SORCS2: variants seen among roughly 807,000 people sequenced by gnomAD.
The protein encoded by SORCS2 is sortilin related VPS10 domain containing receptor 2.
A neutral mutation model predicts 141.6 loss-of-function variants in SORCS2; 100 were observed. That is an observed-to-expected ratio of 0.71 (90% CI 0.60 to 0.83). The LOEUF (loss-of-function observed/expected upper bound fraction) is 0.83. Among genes scored for constraint, SORCS2 ranks in the 40% least tolerant of loss-of-function variants. SORCS2 has a pLI of 0.00. For synonymous variants in SORCS2, 789 were observed against 676.9 expected (o/e 1.17, Z -2.57); for missense variants, 1,646 against 1,560.2 (o/e 1.05, Z -0.93).
intron 26 of SORCS2, among the ~76,000 whole-genome samples, chr4:7,738,810 A>G (rs897532589): frequency 1.3e-5 from 2 of 152,102 alleles, no homozygotes; most frequent in Non-Finnish European, 2.9e-5. Flanking sequence ...TGACCTTCAC[A>G]CTGTCTTGAG....
intron 2 of SORCS2, among the ~76,000 whole-genome samples, chr4:7,442,945 C>G (rs906136171): frequency 6.6e-6 from 1 of 152,132 alleles, no homozygotes; most frequent in Non-Finnish European, 1.5e-5. Flanking sequence ...CCTGCTTCCT[C>G]CCAGGTTCTG....
Position 7,682,817 on chromosome 4 carries a change from C to CA in SORCS2, c.1418dup (p.Arg475ProfsTer58). On this transcript the variant is annotated frameshift_variant, in exon 10 of 27. Transcript: ENST00000507866. LOFTEE classifies it high-confidence loss of function. Reference sequence around the variant, plus strand: ...AAGTGATGACGCTTATAACCTACAACAAGGGCCGCGACTGGGATTACCTGA... The same window carrying CA: ...AAGTGATGACGCTTATAACCTACAACAAAGGGCCGCGACTGGGATTACCTGA... 1 of 1,612,792 alleles carries CA rather than the reference C, an allele frequency of 6.2e-7. No individual in the cohort carries two copies. The highest frequency in any genetic ancestry group is 8.5e-7 in the Non-Finnish European group (1 of 1,179,334).
intron 3 of SORCS2, among the ~76,000 whole-genome samples, chr4:7,579,726 G>T (rs1716019382): frequency 1.3e-5 from 2 of 152,170 alleles, no homozygotes; most frequent in Admixed American, 1.3e-4. Flanking sequence ...AGTGTGCAGA[G>T]GTGGATGAGA....
rs16835129 is a variant in SORCS2, at chr4:7,361,788, G to A, written c.481-34500G>A. On this transcript the variant is annotated intron_variant, in intron 1 of 26. Transcript: ENST00000507866. ...TAAGAAAAAAAAAAACACAACGAAC[G>A]CAGGTGGAATGCTAATGCCGGGCAA... Among the ~76,000 whole-genome samples, 1,225 of 151,906 alleles carry A rather than the reference G, an allele frequency of 8.1e-3. 33 individuals are homozygous for A. Among genetic ancestry groups the A allele is most frequent in the Admixed American group, 0.048 (731 of 15,254 alleles).
chr4:7,544,802 T>C (rs1404433905), intron 3 of SORCS2, among the ~76,000 whole-genome samples: 1 of 152,150 alleles, frequency 6.6e-6, no homozygotes, highest in African/African-American at 2.4e-5. Flanking sequence ...GTCTCCCCCA[T>C]GGCTGAACAC....
At chr4:7,230,134 G>A (rs1711740606) in intron 1 of SORCS2, among the ~76,000 whole-genome samples, 2 of 147,288 alleles carry the variant, frequency 1.4e-5, no homozygotes, top group Non-Finnish European at 3.0e-5. Context: ...GTCTGGGCAG[G>A]AGTAGTGTCA....
chr4:7,485,856 G>A (rs1246932513), intron 2 of SORCS2, among the ~76,000 whole-genome samples: 4 of 152,280 alleles, frequency 2.6e-5, no homozygotes, highest in African/African-American at 9.6e-5. Context: ...GGAGAGAAAG[G>A]ACTGAGTAGG....
chr4:7,501,437 G>A (rs892846834), intron 2 of SORCS2, among the ~76,000 whole-genome samples: 1 of 152,152 alleles, frequency 6.6e-6, no homozygotes, highest in African/African-American at 2.4e-5. Flanking sequence ...TGTAGGACAC[G>A]GTGCCATGAG....
At chr4:7,699,355 G>A (rs890642959) in intron 12 of SORCS2, among the ~76,000 whole-genome samples, 5 of 152,196 alleles carry the variant, frequency 3.3e-5, no homozygotes, top group Non-Finnish European at 7.3e-5. Flanking sequence ...ATGGCCAGGA[G>A]GCACTCCATT....
At chr4:7,628,402 C>T (rs1399564779) in intron 3 of SORCS2, among the ~76,000 whole-genome samples, 1 of 151,930 alleles carries the variant, frequency 6.6e-6, no homozygotes, top group Non-Finnish European at 1.5e-5. Context: ...GCCTGTAGTC[C>T]CAGCTACTAG....
At chr4:7,681,529 A>G (rs1723523853) in intron 9 of SORCS2, among the ~76,000 whole-genome samples, 1 of 152,220 alleles carries the variant, frequency 6.6e-6, no homozygotes, top group African/African-American at 2.4e-5. Context: ...CCAGAAAGGA[A>G]TGCGATTCCA....
intron 3 of SORCS2, among the ~76,000 whole-genome samples, chr4:7,601,730 C>T (rs1027523108): frequency 6.7e-6 from 1 of 149,124 alleles, no homozygotes. Context: ...GGGGATTTGG[C>T]AGGGTCATAG....
At chr4:7,667,453 C>T (rs545385762) in intron 8 of SORCS2, among the ~76,000 whole-genome samples, 1 of 152,338 alleles carries the variant, frequency 6.6e-6, no homozygotes, top group South Asian at 2.1e-4. Flanking sequence ...TTCCCTCTGC[C>T]TGGTTCATCT....
At chr4:7,573,049 G>A (rs1380649980) in intron 3 of SORCS2, among the ~76,000 whole-genome samples, 1 of 152,234 alleles carries the variant, frequency 6.6e-6, no homozygotes, top group Non-Finnish European at 1.5e-5. Flanking sequence ...GAATGGACAA[G>A]CTGCGTGTGT....
intron 14 of SORCS2, among the ~76,000 whole-genome samples, chr4:7,711,668 T>G (rs1046579687): frequency 4.6e-5 from 7 of 152,202 alleles, no homozygotes; most frequent in Non-Finnish European, 1.0e-4. Flanking sequence ...TTCTGAGTGA[T>G]GGGCACACAG....
At chr4:7,701,825 C>T (rs76793206) in intron 12 of SORCS2, among the ~76,000 whole-genome samples, 1,899 of 152,310 alleles carry the variant, frequency 0.012, 49 homozygotes, top group East Asian at 0.091. Flanking sequence ...GGCGCAGATG[C>T]TTCTCTTTCC....
chr4:7,322,929 G>T (rs934067128), intron 1 of SORCS2, among the ~76,000 whole-genome samples: 1 of 151,738 alleles, frequency 6.6e-6, no homozygotes, highest in African/African-American at 2.4e-5. Flanking sequence ...GACTGTTTCA[G>T]TTTCTGCTGA....
intron 1 of SORCS2, among the ~76,000 whole-genome samples, chr4:7,367,135 T>G (rs2109035098): frequency 6.6e-6 from 1 of 152,300 alleles, no homozygotes. Flanking sequence ...GCAATGACAT[T>G]ATCACCTTGG....
At chr4:7,418,165 T>G (rs1158870773) in intron 2 of SORCS2, among the ~76,000 whole-genome samples, 1 of 152,104 alleles carries the variant, frequency 6.6e-6, no homozygotes, top group Non-Finnish European at 1.5e-5. Context: ...CTCAGCACAT[T>G]TCAGGTGTAC....
Sources: allele counts gnomAD v4.1 joint callset (sites outside exome capture counted in the v4.1 genomes callset), GRCh38; gene constraint gnomAD v4.1.1; transcripts MANE v1.5; gene names NCBI Gene and HGNC (gene_info 2026-07-23, HGNC 2026-07-21).